The following PCDHA13 variants were observed in gnomAD, a reference collection of about 807,000 sequenced individuals.
The protein encoded by PCDHA13 is protocadherin alpha-13.
PCDHA13 carries 54 observed loss-of-function variants against 64.8 expected under a neutral mutation model. The observed-to-expected ratio is 0.83, with a 90% CI of 0.67 to 1.04. The LOEUF (loss-of-function observed/expected upper bound fraction) is 1.04, where lower values mean the gene tolerates loss of function less well. Among genes scored for constraint, PCDHA13 ranks in the 50% least tolerant of loss-of-function variants. The probability of loss-of-function intolerance (pLI) is 0.00; values close to 1 mark genes in which losing one functional copy is unlikely to be tolerated. For missense variants in PCDHA13, 1,248 were observed against 1,254.3 expected, an observed-to-expected ratio of 0.99 and a Z score of 0.08; for synonymous variants, 587 against 564.4, an observed-to-expected ratio of 1.04 and a Z score of -0.57.
chr5:140,950,086 T>G (rs1178086288), intron 1 of PCDHA13, among the ~76,000 whole-genome samples: 1 of 151,946 alleles, frequency 6.6e-6, no homozygotes, highest in Non-Finnish European at 1.5e-5. Flanking sequence ...TATGCTATAG[T>G]TTTCATTTGT....
intron 1 of PCDHA13, among the ~76,000 whole-genome samples, chr5:140,937,780 C>T (rs1459266022): frequency 3.3e-5 from 5 of 151,656 alleles, no homozygotes; most frequent in African/African-American, 7.3e-5. Flanking sequence ...GGCGTGGTGG[C>T]GGGCGTATGT....
chr5:140,978,601 G>A (rs1382051729), intron 1 of PCDHA13, among the ~76,000 whole-genome samples: 1 of 152,244 alleles, frequency 6.6e-6, no homozygotes, highest in African/African-American at 2.4e-5. Flanking sequence ...TGGGGCACTT[G>A]AGGGCAAAAG....
At chr5:140,985,557 G>A (rs1190905215) in intron 3 of PCDHA13, among the ~76,000 whole-genome samples, 1 of 152,118 alleles carries the variant, frequency 6.6e-6, no homozygotes, top group East Asian at 1.9e-4. Context: ...GCTTCCAAAA[G>A]GCTTCTTTCT....
chr5:141,000,421 A>ATTTTTTTT (rs34755515), intron 3 of PCDHA13, among the ~76,000 whole-genome samples: 2 of 27,968 alleles, frequency 7.2e-5, no homozygotes, highest in Admixed American at 6.5e-4. Context: ...ATATATATAT[A>ATTTTTTTT]TTTTTTTTTT....
rs1217152310 is a variant in PCDHA13 at position 140,883,816 on chromosome 5, G to A, written c.1548G>A (p.Lys516=). ...TGTCGGTGCACGCGGAGAGCGGCAAGGTGTACGCGCTGCAGCCGTTGGACC... is the reference window on the plus strand; with the variant it reads ...TGTCGGTGCACGCGGAGAGCGGCAAAGTGTACGCGCTGCAGCCGTTGGACC... ...SYVSVHAESG[K]VYALQPLDHE... is the part of the protein sequence containing the mutation. Residue 516 remains lysine (K), a synonymous_variant, in exon 1 of 4, where the codon AAG becomes AAA. Transcript: ENST00000289272. 3 of 1,612,522 alleles carry A rather than the reference G, an allele frequency of 1.9e-6. No homozygotes were observed. The highest frequency in any genetic ancestry group is 2.5e-6 in the Non-Finnish European group (3 of 1,179,808).
intron 1 of PCDHA13, among the ~76,000 whole-genome samples, chr5:140,886,340 G>A (rs2060950327): frequency 6.6e-6 from 1 of 151,864 alleles, no homozygotes; most frequent in East Asian, 1.9e-4. Flanking sequence ...TGTGCAGAAC[G>A]TGCAGGTTTG....
intron 1 of PCDHA13, among the ~76,000 whole-genome samples, chr5:140,947,798 A>C (rs1164932467): frequency 7.3e-5 from 11 of 151,710 alleles, no homozygotes; most frequent in African/African-American, 1.9e-4. Context: ...CAGACTTTTA[A>C]TTTGCAGAGA....
intron 3 of PCDHA13, among the ~76,000 whole-genome samples, chr5:140,986,421 C>T (rs1554248030): frequency 6.6e-6 from 1 of 152,178 alleles, no homozygotes; most frequent in Non-Finnish European, 1.5e-5. Flanking sequence ...CTCTTTTTAA[C>T]TTCATGAGTA....
chr5:140,959,780 A>G (rs2095510657), intron 1 of PCDHA13, among the ~76,000 whole-genome samples: 1 of 152,262 alleles, frequency 6.6e-6, no homozygotes. Flanking sequence ...AACAGTGTAT[A>G]TTAACATGGC....
intron 1 of PCDHA13, among the ~76,000 whole-genome samples, chr5:140,944,043 T>C (rs2093600641): frequency 6.6e-6 from 1 of 152,080 alleles, no homozygotes; most frequent in African/African-American, 2.4e-5. Flanking sequence ...GAAAACCAGA[T>C]TGGGATACAA....
chr5:140,984,645 C>T (rs1354690786), intron 3 of PCDHA13, among the ~76,000 whole-genome samples: 1 of 152,164 alleles, frequency 6.6e-6, no homozygotes, highest in African/African-American at 2.4e-5. Flanking sequence ...TGCCTTCTCC[C>T]TGTCCTTCTG....
At chr5:140,942,821 G>A (rs2093373988) in intron 1 of PCDHA13, among the ~76,000 whole-genome samples, 1 of 151,968 alleles carries the variant, frequency 6.6e-6, no homozygotes, top group African/African-American at 2.4e-5. Flanking sequence ...GTTGGATTTG[G>A]CCCTGTGTCA....
At chr5:140,966,350 A>C in intron 1 of PCDHA13, 1 of 397,418 alleles carries the variant, frequency 2.5e-6, no homozygotes, top group Non-Finnish European at 4.4e-6. Flanking sequence ...GGTGAAGGAG[A>C]TGGGGCTGGA....
chr5:140,944,242 C>T (rs969404044), intron 1 of PCDHA13, among the ~76,000 whole-genome samples: 1 of 152,172 alleles, frequency 6.6e-6, no homozygotes, highest in African/African-American at 2.4e-5. Flanking sequence ...GGCTGGAGTG[C>T]AGTGATGTGA....
At position 140,883,302 on chromosome 5, in the gene PCDHA13, A is replaced by T. The variant is rs1177736093; in HGVS notation, c.1034A>T (p.Asp345Val). 6.2e-7 allele frequency: 1 copy of T among 1,613,992 alleles called. No individual in the cohort carries two copies. Among genetic ancestry groups the T allele is most frequent in the African/African-American group, 1.3e-5 (1 of 74,890 alleles). ...TLLVEVLDVN[D>V]NAPEVTITSL... Reference sequence around the variant, plus strand: ...TTGGTGGAAGTACTAGATGTAAATGATAACGCCCCAGAGGTTACCATCACT... The same window carrying T: ...TTGGTGGAAGTACTAGATGTAAATGTTAACGCCCCAGAGGTTACCATCACT... Residue 345 changes from aspartate (D) to valine (V), a missense_variant, in exon 1 of 4, where the codon GAT becomes GTT. Asp to Val is a radical substitution (Grantham distance 152). Transcript: ENST00000289272.
In PCDHA13 at chr5:141,010,472, A is replaced by G. The variant is rs2098417397; in HGVS notation, c.*535A>G. ...AGCGGAAGTTATCAGTATGGAGGGG[A>G]AGTGTAAACTTAAAGGGACCAGACT... On this transcript the variant is annotated 3_prime_UTR_variant, in exon 4 of 4. Transcript: ENST00000289272. The G allele has an allele frequency of 1.3e-6, 1 of 762,088 alleles. No homozygotes were observed. Among genetic ancestry groups the G allele is most frequent in the African/African-American group, 1.8e-5 (1 of 56,688 alleles). 47.2% of individuals were successfully genotyped at this position (762,088 alleles called of 1,614,324 possible).
intron 3 of PCDHA13, among the ~76,000 whole-genome samples, chr5:141,005,828 T>A (rs752447584): frequency 6.7e-6 from 1 of 149,690 alleles, no homozygotes; most frequent in African/African-American, 2.5e-5. Context: ...TGGCCTGTAG[T>A]CCCAGCCACT....
chr5:140,899,127 C>T (rs1487430888), intron 1 of PCDHA13, among the ~76,000 whole-genome samples: 16 of 152,302 alleles, frequency 1.1e-4, no homozygotes, highest in African/African-American at 3.9e-4. Context: ...ACAATCATGT[C>T]TTCTGCAAAC....
intron 3 of PCDHA13, among the ~76,000 whole-genome samples, chr5:140,996,580 C>T (rs1351485354): frequency 6.6e-6 from 1 of 152,130 alleles, no homozygotes; most frequent in African/African-American, 2.4e-5. Context: ...AATTTGTTAA[C>T]AAGGGCCGCC....
Sources: allele counts gnomAD v4.1 joint callset (sites outside exome capture counted in the v4.1 genomes callset), GRCh38; gene constraint gnomAD v4.1.1; transcripts MANE v1.5; gene names NCBI Gene and HGNC (gene_info 2026-07-23, HGNC 2026-07-21).